Variants in CLVS1 observed in about 807,000 individuals in gnomAD.
CLVS1 encodes the protein clavesin-1.
Under a neutral mutation model 33.1 loss-of-function variants are expected in CLVS1, and 10 were observed. The ratio of observed to expected loss-of-function variants is 0.30; its 90% CI spans 0.19 to 0.51. The LOEUF (loss-of-function observed/expected upper bound fraction) is 0.51, where lower values mean the gene tolerates loss of function less well. Ranked by LOEUF, CLVS1 falls within the 20% of genes least tolerant of loss-of-function variation. CLVS1 has a pLI of 0.97. For missense variants in CLVS1, 343 were observed against 433.4 expected, an observed-to-expected ratio of 0.79 and a Z score of 1.85; for synonymous variants, 163 against 166.1, an observed-to-expected ratio of 0.98 and a Z score of 0.14.
intron 1 of CLVS1, among the ~76,000 whole-genome samples, chr8:61,297,247 T>C (rs1017404292): frequency 4.6e-5 from 7 of 152,096 alleles, no homozygotes; most frequent in Non-Finnish European, 7.4e-5. Context: ...AGGAGTGACA[T>C]GAGCATATTT....
chr8:61,392,178 A>G (rs968786181), intron 3 of CLVS1, among the ~76,000 whole-genome samples: 2 of 152,118 alleles, frequency 1.3e-5, no homozygotes, highest in Non-Finnish European at 2.9e-5. Flanking sequence ...AAAAAATTTT[A>G]AAAATTAGTT....
intron 1 of CLVS1, among the ~76,000 whole-genome samples, chr8:61,117,125 T>C (rs1200317706): frequency 8.1e-6 from 1 of 123,672 alleles, no homozygotes; most frequent in Non-Finnish European, 1.6e-5. Flanking sequence ...TTGATTCTCT[T>C]TGAAGCAATT....
intron 2 of CLVS1, among the ~76,000 whole-genome samples, chr8:61,154,708 T>C (rs1806615853): frequency 6.6e-6 from 1 of 152,222 alleles, no homozygotes; most frequent in African/African-American, 2.4e-5. Context: ...AAGATAATAA[T>C]AATAAAACTT....
At chr8:61,359,850 G>C (rs991980351) in intron 2 of CLVS1, among the ~76,000 whole-genome samples, 1 of 152,124 alleles carries the variant, frequency 6.6e-6, no homozygotes, top group East Asian at 1.9e-4. Flanking sequence ...AAACTGGTGG[G>C]CCTGTGTCCC....
chr8:61,214,541 G>A (rs151018169), intron 2 of CLVS1, among the ~76,000 whole-genome samples: 1,558 of 152,296 alleles, frequency 0.01, 13 homozygotes, highest in Non-Finnish European at 0.016. Context: ...TGAAGACACA[G>A]GGAGAAGGCA....
chr8:61,112,992 A>G (rs560809655), intron 1 of CLVS1, among the ~76,000 whole-genome samples: 1 of 152,264 alleles, frequency 6.6e-6, no homozygotes, highest in South Asian at 2.1e-4. Context: ...TCTCCTCCCA[A>G]CTATCACTTC....
At chr8:61,476,227 G>A (rs1817923166) in intron 5 of CLVS1, among the ~76,000 whole-genome samples, 2 of 152,322 alleles carry the variant, frequency 1.3e-5, no homozygotes, top group African/African-American at 4.8e-5. Context: ...AAGTCAGGTA[G>A]CGTGATGCCT....
intron 2 of CLVS1, among the ~76,000 whole-genome samples, chr8:61,167,716 G>T (rs899666087): frequency 1.3e-5 from 2 of 152,094 alleles, no homozygotes; most frequent in Non-Finnish European, 2.9e-5. Flanking sequence ...GCAAAAAGTC[G>T]CAGGTTATAA....
chr8:61,320,369 A>T (rs1333580371), intron 2 of CLVS1, among the ~76,000 whole-genome samples: 1 of 151,940 alleles, frequency 6.6e-6, no homozygotes, highest in Non-Finnish European at 1.5e-5. Flanking sequence ...ATATTCTAAA[A>T]GATAAGTTTG....
At chr8:61,176,610 G>C (rs1013974112) in intron 2 of CLVS1, among the ~76,000 whole-genome samples, 1 of 152,030 alleles carries the variant, frequency 6.6e-6, no homozygotes, top group Non-Finnish European at 1.5e-5. Context: ...AAGAGTGTGC[G>C]AATCCTGCAC....
intron 1 of CLVS1, among the ~76,000 whole-genome samples, chr8:61,068,205 A>G (rs1049672349): frequency 2.8e-5 from 3 of 106,370 alleles, no homozygotes; most frequent in African/African-American, 5.3e-5. Context: ...ATATGTATAT[A>G]TATATATATA....
chr8:61,064,881 T>G (rs950787959), intron 1 of CLVS1, among the ~76,000 whole-genome samples: 4 of 152,320 alleles, frequency 2.6e-5, no homozygotes, highest in Non-Finnish European at 5.9e-5. Context: ...TTTTATATTT[T>G]TAGTAGAGAC....
intron 5 of CLVS1, among the ~76,000 whole-genome samples, chr8:61,493,390 T>C (rs982643771): frequency 6.6e-6 from 1 of 152,196 alleles, no homozygotes; most frequent in Non-Finnish European, 1.5e-5. Context: ...AGAAGAATAA[T>C]AAGAGCTAAA....
At chr8:61,335,319 C>G (rs1478274924) in intron 2 of CLVS1, among the ~76,000 whole-genome samples, 1 of 152,168 alleles carries the variant, frequency 6.6e-6, no homozygotes, top group Non-Finnish European at 1.5e-5. Flanking sequence ...CTTTTACCTT[C>G]TTTGTTTAAA....
At chr8:61,379,267 G>A (rs774633982) in intron 3 of CLVS1, among the ~76,000 whole-genome samples, 3 of 152,142 alleles carry the variant, frequency 2.0e-5, no homozygotes, top group Non-Finnish European at 4.4e-5. Flanking sequence ...TTGGTGCTAG[G>A]CCATCTGGTT....
chr8:61,033,109 A>AG, the CLVS1 span, among the ~76,000 whole-genome samples: 12 of 83,028 alleles, frequency 1.4e-4, 1 homozygote, highest in Non-Finnish European at 2.2e-4. Flanking sequence ...GATAGAAAGA[A>AG]AGAAGGAAGG....
chr8:61,198,018 A>G (rs1331948959), intron 2 of CLVS1, among the ~76,000 whole-genome samples: 1 of 152,150 alleles, frequency 6.6e-6, no homozygotes, highest in Non-Finnish European at 1.5e-5. Context: ...CCATGATATG[A>G]AGTTAAAGCC....
Position 61,405,986 on chromosome 8 carries a change from C to T in CLVS1, c.630+29207C>T, listed in dbSNP as rs183191353. 5.3e-3 allele frequency among the ~76,000 whole-genome samples: 802 copies of T among 152,258 alleles called. 3 individuals are homozygous for T. Among genetic ancestry groups the T allele is most frequent in the Middle Eastern group, 0.01 (3 of 294 alleles). On this transcript the variant is annotated intron_variant, in intron 3 of 5. Transcript: ENST00000325897. ...TTTTGTGTACTTCAAATTCTTGAGT[C>T]AAAGTCTATAAAAATACTTTAAGGT...
the CLVS1 span, among the ~76,000 whole-genome samples, chr8:60,977,535 T>A: frequency 6.6e-6 from 1 of 152,034 alleles, no homozygotes; most frequent in Non-Finnish European, 1.5e-5. Context: ...AGTTGAAAAG[T>A]GCAAAAACTA....
Sources: allele counts gnomAD v4.1 joint callset (sites outside exome capture counted in the v4.1 genomes callset), GRCh38; gene constraint gnomAD v4.1.1; transcripts MANE v1.5; gene names NCBI Gene and HGNC (gene_info 2026-07-23, HGNC 2026-07-21).